LRRC17: variants seen among roughly 807,000 people sequenced by gnomAD.
The protein encoded by LRRC17 is leucine-rich repeat-containing protein 17.
LRRC17 carries 33 observed loss-of-function variants against 41.5 expected under a neutral mutation model. The ratio of observed to expected loss-of-function variants is 0.80; its 90% CI spans 0.60 to 1.06. LRRC17 has a LOEUF of 1.06. Among genes scored for constraint, LRRC17 ranks in the 50% least tolerant of loss-of-function variants. The probability of loss-of-function intolerance (pLI) is 0.00; values close to 1 mark genes in which losing one functional copy is unlikely to be tolerated. For synonymous variants in LRRC17, 192 were observed against 197.0 expected (o/e 0.97, Z 0.21); for missense variants, 491 against 519.3 (o/e 0.95, Z 0.53).
In LRRC17 at chr7:102,914,697, C is replaced by T. The variant is rs530921135; in HGVS notation, c.-141+1552C>T. ...ATCCCGATCTGGGAAGGGCTGTGTA[C>T]GTGAGATTCGACAGAGCGAGGGGGA... On this transcript the variant is annotated intron_variant, in intron 1 of 3. Transcript: ENST00000339431. 5.1e-4 allele frequency among the ~76,000 whole-genome samples: 77 copies of T among 152,290 alleles called. 1 individual carries two copies. The South Asian group carries it at 0.014, about 28-fold the overall frequency.
intron 1 of LRRC17, among the ~76,000 whole-genome samples, chr7:102,923,748 C>T (rs1421590699): frequency 6.6e-6 from 1 of 151,864 alleles, no homozygotes; most frequent in African/African-American, 2.4e-5. Flanking sequence ...TGCTTTGAAC[C>T]TGGGAGGCGG....
Position 102,938,846 on chromosome 7 carries a change from T to C in LRRC17, c.773-584T>C, listed in dbSNP as rs555111421. On this transcript the variant is annotated intron_variant, in intron 2 of 3. Coordinates refer to ENST00000339431, the MANE Select transcript of LRRC17 (RefSeq NM_001031692.3). Reference sequence around the variant, plus strand: ...AAGCCACACTAGGAAAGCCTTTGTTTTGCATTTCCTGGTATTACTTGTGGA... The same window carrying C: ...AAGCCACACTAGGAAAGCCTTTGTTCTGCATTTCCTGGTATTACTTGTGGA... 1.2e-4 allele frequency among the ~76,000 whole-genome samples: 18 copies of C among 152,358 alleles called. No homozygotes were observed. In the South Asian group the frequency reaches 3.7e-3, roughly 32 times the overall value.
intron 1 of LRRC17, among the ~76,000 whole-genome samples, chr7:102,922,268 T>C (rs1297648826): frequency 6.6e-6 from 1 of 151,970 alleles, no homozygotes; most frequent in African/African-American, 2.4e-5. Context: ...AATAGTTGGT[T>C]TAGAAAGTTA....
intron 1 of LRRC17, among the ~76,000 whole-genome samples, chr7:102,921,296 A>C (rs1169445143): frequency 6.6e-6 from 1 of 152,362 alleles, no homozygotes; most frequent in East Asian, 1.9e-4. Flanking sequence ...AATAAAGAGA[A>C]GCTTGATCAT....
intron 2 of LRRC17, among the ~76,000 whole-genome samples, chr7:102,937,842 C>T (rs1194755349): frequency 6.6e-6 from 1 of 152,144 alleles, no homozygotes; most frequent in Non-Finnish European, 1.5e-5. Flanking sequence ...ACCTGAGGAT[C>T]GGTACAAGTA....
intron 1 of LRRC17, among the ~76,000 whole-genome samples, chr7:102,929,506 A>T (rs1312610273): frequency 6.6e-6 from 1 of 151,964 alleles, no homozygotes; most frequent in Non-Finnish European, 1.5e-5. Flanking sequence ...TACAAAAAAA[A>T]TTCAAAAATT....
chr7:102,939,097 A>G (rs552830482), intron 2 of LRRC17, among the ~76,000 whole-genome samples: 3 of 152,230 alleles, frequency 2.0e-5, no homozygotes, highest in Admixed American at 6.5e-5. Context: ...TGTGGGTTCA[A>G]TAAGCAAGTC....
intron 1 of LRRC17, among the ~76,000 whole-genome samples, chr7:102,920,242 C>T (rs1816720145): frequency 6.6e-6 from 1 of 152,118 alleles, no homozygotes; most frequent in Admixed American, 6.5e-5. Flanking sequence ...TGTGTATGTA[C>T]CTTTCGAATA....
At position 102,929,556 on chromosome 7, in the gene LRRC17, TG is replaced by T. The variant is rs560420625; in HGVS notation, c.-140-4215del. Among the ~76,000 whole-genome samples the T allele has an allele frequency of 8.6e-4, 126 of 146,288 alleles. 3 individuals are homozygous for T. The South Asian group carries it at 0.025, about 29-fold the overall frequency. On this transcript the variant is annotated intron_variant, in intron 1 of 3. Coordinates refer to ENST00000339431, the MANE Select transcript of LRRC17 (RefSeq NM_001031692.3). ...GCACGTGCCTATAATCCCAGCTAAT[TG>T]GGTGGCTGAGGCAGGAGAATCACTT...
chr7:102,942,421 G>T, intron 3 of LRRC17: 1 of 1,285,734 alleles, frequency 7.8e-7, no homozygotes. Context: ...AGACATTGTT[G>T]TGGAAAAGAG....
chr7:102,920,902 C>T (rs1293434337), intron 1 of LRRC17, among the ~76,000 whole-genome samples: 3 of 152,092 alleles, frequency 2.0e-5, no homozygotes, highest in African/African-American at 7.2e-5. Context: ...ACCTGTAATC[C>T]CAGCACTTTG....
rs995075264 is a variant in LRRC17 at position 102,944,785 on chromosome 7, C to T, written c.*178C>T. On this transcript the variant is annotated 3_prime_UTR_variant, in exon 4 of 4. Transcript: ENST00000339431. ...ATAGTAATCAAGAGAATGCTATCAT[C>T]CTGCTTGCCTGTCCATTTGTGGAAC... is the stretch of plus-strand genomic sequence containing the variant. The T allele has an allele frequency of 3.6e-6, 2 of 559,850 alleles. No individual in the cohort carries two copies. Among genetic ancestry groups the T allele is most frequent in the African/African-American group, 3.8e-5 (2 of 52,126 alleles). The allele number at this position is 559,850 out of a possible 1,614,324, so 34.7% of individuals were successfully genotyped here.
rs144824968 is a variant in LRRC17, at chr7:102,937,045, C to A, written c.772+2360C>A. Among the ~76,000 whole-genome samples the A allele has an allele frequency of 3.1e-3, 478 of 152,158 alleles. 2 individuals are homozygous for A. Among genetic ancestry groups the A allele is most frequent in the African/African-American group, 0.011 (444 of 41,510 alleles). On this transcript the variant is annotated intron_variant, in intron 2 of 3. Coordinates refer to ENST00000339431, the MANE Select transcript of LRRC17 (RefSeq NM_001031692.3). ...TCCAGAAATGCCCCATAAATTCATACCCCCTGCTTTAAAAATACACATTAT... is the reference window on the plus strand; with the variant it reads ...TCCAGAAATGCCCCATAAATTCATAACCCCTGCTTTAAAAATACACATTAT...
intron 1 of LRRC17, among the ~76,000 whole-genome samples, chr7:102,918,899 T>C (rs189882437): frequency 1.6e-3 from 249 of 152,330 alleles, no homozygotes; most frequent in African/African-American, 5.3e-3. Context: ...TATTCATATA[T>C]ATACACATAC....
intron 1 of LRRC17, among the ~76,000 whole-genome samples, chr7:102,913,942 C>T (rs1342521776): frequency 6.6e-6 from 1 of 152,164 alleles, no homozygotes; most frequent in Non-Finnish European, 1.5e-5. Context: ...TATGGTATTA[C>T]CACAATGACC....
intron 1 of LRRC17, among the ~76,000 whole-genome samples, chr7:102,918,622 C>G (rs1816371380): frequency 6.6e-6 from 1 of 152,122 alleles, no homozygotes. Context: ...TTGAGACCAG[C>G]CTGGGGAACA....
In LRRC17 at chr7:102,916,570, G is replaced by A. The variant is rs140105601; in HGVS notation, c.-141+3425G>A. Among the ~76,000 whole-genome samples the A allele has an allele frequency of 2.2e-3, 332 of 152,242 alleles. 2 individuals carry two copies. Among genetic ancestry groups the A allele is most frequent in the African/African-American group, 7.6e-3 (314 of 41,544 alleles). ...CTGCAGACTTAAAGCTGCTAGGGAC[G>A]GGAAAAGTGTCAGTTGACAGCAAAA... On this transcript the variant is annotated intron_variant, in intron 1 of 3. Transcript: ENST00000339431.
rs367824936 is a variant in LRRC17 at position 102,934,141 on chromosome 7, G to A, written c.228G>A (p.Leu76=). The A allele has an allele frequency of 5.6e-6, 9 of 1,614,154 alleles. No individual in the cohort carries two copies. Among genetic ancestry groups the A allele is most frequent in the Non-Finnish European group, 1.7e-6 (2 of 1,179,974 alleles). The change falls in exon 2 of 4, where the codon CTG becomes CTA. Residue 76 remains leucine, a synonymous_variant. Coordinates refer to ENST00000339431, the MANE Select transcript of LRRC17 (RefSeq NM_001031692.3). Reference sequence around the variant, plus strand: ...AAGAAAGAAAATTAGTTTATGTGCTGCCTGGTTGGCCTCAGGATTTGCTGC... The same window carrying A: ...AAGAAAGAAAATTAGTTTATGTGCTACCTGGTTGGCCTCAGGATTTGCTGC... The part of the protein sequence containing the change: ...DCQERKLVYV[L]PGWPQDLLHM...
At chr7:102,920,345 G>T (rs1340468141) in intron 1 of LRRC17, among the ~76,000 whole-genome samples, 1 of 151,784 alleles carries the variant, frequency 6.6e-6, no homozygotes, top group Admixed American at 6.6e-5. Flanking sequence ...CATAAAACAA[G>T]ATGATAAAAA....
Sources: gnomAD v4.1 joint callset for allele counts (sites outside exome capture counted in the v4.1 genomes callset) on GRCh38, gnomAD v4.1.1 for gene constraint, MANE v1.5 for transcripts, NCBI Gene and HGNC (gene_info 2026-07-23, HGNC 2026-07-21) for gene names.